NIBAN2: variants seen among roughly 807,000 people sequenced by gnomAD.
The protein encoded by NIBAN2 is protein Niban 2.
NIBAN2 carries 36 observed loss-of-function variants against 81.8 expected under a neutral mutation model. That is an observed-to-expected ratio of 0.44 (90% confidence interval 0.34 to 0.58). NIBAN2 has a LOEUF of 0.58. Among genes scored for constraint, NIBAN2 ranks in the 20% least tolerant of loss-of-function variants. NIBAN2 has a pLI of 0.02. For missense variants in NIBAN2, 897 were observed against 1,014.1 expected (o/e 0.88, Z 1.57); for synonymous variants, 445 against 441.6 (o/e 1.01, Z -0.10).
In NIBAN2 at chr9:127,517,923, T is replaced by C. The variant is rs746686598; in HGVS notation, c.608A>G (p.Lys203Arg). 5.0e-6 allele frequency: 8 copies of C among 1,608,276 alleles called. No individual in the cohort carries two copies. The African/African-American group carries it at 1.1e-4, about 22-fold the overall frequency. The change falls in exon 6 of 14, where the codon AAG becomes AGG. Residue 203 changes from lysine to arginine, a missense_variant. Coordinates refer to ENST00000373312, the MANE Select transcript of NIBAN2 (RefSeq NM_022833.4). This position sits in a 1 kb window ranked among gnomAD's most constrained non-coding sequence, Gnocchi z 4.0. ...ATCTGTGAACGCAGGGCCCTCTACC[T>C]TGGAGTCCTCAGGGATTCCTGCCCA... ...HCNNGIPEDS[K>R]VEGPAFTDAI...
At chr9:127,523,158 G>A (rs1486555495) in intron 5 of NIBAN2, among the ~76,000 whole-genome samples, 3 of 107,598 alleles carry the variant, frequency 2.8e-5, no homozygotes, top group Non-Finnish European at 5.3e-5. Context: ...CACCCTGCAG[G>A]TTGGTGGTTT....
chr9:127,573,119 A>AT (rs1837967211), upstream of NIBAN2, among the ~76,000 whole-genome samples: 1 of 152,208 alleles, frequency 6.6e-6, no homozygotes, highest in Non-Finnish European at 1.5e-5. Flanking sequence ...CAAACACTGG[A>AT]ACAGGTAGGC....
At chr9:127,560,316 C>T (rs1837750419) in intron 1 of NIBAN2, among the ~76,000 whole-genome samples, 1 of 152,162 alleles carries the variant, frequency 6.6e-6, no homozygotes, top group African/African-American at 2.4e-5. Context: ...ACGCCACCCA[C>T]CCTGTACACA....
Position 127,531,694 on chromosome 9 carries a change from T to TC in NIBAN2, c.139dup (p.Glu47GlyfsTer3), listed in dbSNP as rs1200125900. ...CTGCGGCAGCCCCGTGCCCTCAATC[T>TC]CATGGCGCATGCTGTTGAAGAGAGC... On this transcript the variant is annotated frameshift_variant, in exon 2 of 14. Transcript: ENST00000373312. LOFTEE classifies it high-confidence loss of function. The TC allele has an allele frequency of 6.2e-7, 1 of 1,614,048 alleles. No homozygotes were observed. Among genetic ancestry groups the TC allele is most frequent in the Admixed American group, 1.7e-5 (1 of 60,028 alleles).
rs764497644 is a variant in NIBAN2, at chr9:127,517,266, G to A, written c.706-50C>T. The A allele has an allele frequency of 2.0e-6, 3 of 1,522,674 alleles. No individual in the cohort carries two copies. The highest frequency in any genetic ancestry group is 1.1e-5 in the South Asian group (1 of 87,474). The allele number at this position is 1,522,674 out of a possible 1,614,324, so 94.3% of individuals were successfully genotyped here. ...GCCAGGGGCTGGAGAGCGCTCAGCT[G>A]GCCTGTTTCTCTCTGCATTCCCACA... On this transcript the variant is annotated intron_variant, in intron 6 of 13. Transcript: ENST00000373312. This position sits in a 1 kb window ranked among gnomAD's most constrained non-coding sequence, Gnocchi z 4.0.
Position 127,507,334 on chromosome 9 carries a change from G to A in NIBAN2, c.1752C>T (p.Gly584=), listed in dbSNP as rs147337704. ...ACTCCTCGCCCCAGTCGATGGGGGC[G>A]CCCTCGGCCAGCAGGTGCAGGTTGG... ...SDPNLHLLAE[G]APIDWGEEYS... Residue 584 remains glycine (G), a synonymous_variant, in exon 14 of 14, where the codon GGC becomes GGT. Coordinates refer to ENST00000373312, the MANE Select transcript of NIBAN2 (RefSeq NM_022833.4). The surrounding 1 kb of genome is among the most constrained non-coding windows in gnomAD (Gnocchi z 6.8). The A allele has an allele frequency of 2.1e-4, 328 of 1,554,612 alleles. No homozygotes were observed. The African/African-American group carries it at 2.2e-3, about 11-fold the overall frequency.
intron 8 of NIBAN2, among the ~76,000 whole-genome samples, chr9:127,514,948 G>A (rs1055111527): frequency 6.6e-6 from 1 of 152,184 alleles, no homozygotes; most frequent in Non-Finnish European, 1.5e-5. Flanking sequence ...AGGATTGTCT[G>A]AGGCCAGGAG....
chr9:127,578,354 C>CAAAA (rs150337961), intron 1 of NIBAN2, among the ~76,000 whole-genome samples: 3 of 83,578 alleles, frequency 3.6e-5, no homozygotes, highest in East Asian at 3.4e-4. Context: ...GACTTGGTCT[C>CAAAA]AAAAAAAAAA....
In NIBAN2 at chr9:127,508,405, G is replaced by A. The variant is rs758322311; in HGVS notation, c.1434+17C>T. On this transcript the variant is annotated intron_variant, in intron 11 of 13. Transcript: ENST00000373312. The surrounding 1 kb of genome is among the most constrained non-coding windows in gnomAD (Gnocchi z 6.4). ...CCTCGCCTAGGACGGTCCGGGGCAG[G>A]GCGTGGGGCCGCTCACCTTCAGCAC... 30 of 1,591,144 alleles carry A rather than the reference G, an allele frequency of 1.9e-5. No individual in the cohort carries two copies. The highest frequency in any genetic ancestry group is 4.5e-5 in the East Asian group (2 of 44,780).
At chr9:127,575,926 C>T (rs541923482) in intron 1 of NIBAN2, among the ~76,000 whole-genome samples, 3 of 152,292 alleles carry the variant, frequency 2.0e-5, no homozygotes, top group African/African-American at 7.2e-5. Flanking sequence ...GACATTTCTG[C>T]ACCCTGCCCC....
intron 1 of NIBAN2, among the ~76,000 whole-genome samples, chr9:127,575,110 C>A (rs1376872015): frequency 6.6e-6 from 1 of 152,224 alleles, no homozygotes; most frequent in African/African-American, 2.4e-5. Context: ...AGACATGGCA[C>A]TGGGGGCCCC....
intron 1 of NIBAN2, chr9:127,561,191 G>A (rs1402257451): frequency 7.1e-6 from 7 of 985,500 alleles, no homozygotes; most frequent in African/African-American, 3.5e-5. Flanking sequence ...CCAGGAACTC[G>A]CTGAATACCC....
rs1186234312 is a variant in NIBAN2, at chr9:127,559,519, G to A, written c.55+9301C>T. On this transcript the variant is annotated intron_variant, in intron 1 of 13. Transcript: ENST00000373312. The surrounding 1 kb of genome is among the most constrained non-coding windows in gnomAD (Gnocchi z 4.0). ...CAGGTGGAATAAATCAGAGGTGACT[G>A]GAGCACGAGTGGGTGGGCAGCTTCT... 6.6e-6 allele frequency among the ~76,000 whole-genome samples: 1 copy of A among 152,230 alleles called. No individual in the cohort carries two copies. Among genetic ancestry groups the A allele is most frequent in the Non-Finnish European group, 1.5e-5 (1 of 68,040 alleles).
At chr9:127,511,541 G>A (rs1836736391) in intron 8 of NIBAN2, among the ~76,000 whole-genome samples, 2 of 151,962 alleles carry the variant, frequency 1.3e-5, no homozygotes, top group Non-Finnish European at 2.9e-5. Flanking sequence ...ACATTAGCAA[G>A]CTGAATGATT....
At chr9:127,526,966 G>A (rs922390220) in intron 3 of NIBAN2, among the ~76,000 whole-genome samples, 1 of 151,904 alleles carries the variant, frequency 6.6e-6, no homozygotes, top group Admixed American at 6.5e-5. Flanking sequence ...ATGAGGGACA[G>A]AAGGAGTCAG....
chr9:127,570,516 A>G (rs1429915101), upstream of NIBAN2, among the ~76,000 whole-genome samples: 1 of 152,216 alleles, frequency 6.6e-6, no homozygotes, highest in Non-Finnish European at 1.5e-5. Context: ...ATGATATCAC[A>G]AAGTGCCCAG....
At chr9:127,553,339 C>T (rs934353436) in intron 1 of NIBAN2, among the ~76,000 whole-genome samples, 1 of 152,204 alleles carries the variant, frequency 6.6e-6, no homozygotes, top group Non-Finnish European at 1.5e-5. Context: ...CAGAGCTCAC[C>T]GCCAAGCAAC....
rs764480989 is a variant in NIBAN2 at position 127,517,852 on chromosome 9, C to T, written c.679G>A (p.Glu227Lys). The change falls in exon 6 of 14, where the codon GAG (glutamate) becomes AAG (lysine). Residue 227 changes from glutamate (E) to lysine (K), a missense_variant. Glu to Lys is a moderately conservative substitution (Grantham distance 56, BLOSUM62 1). Around this residue, in one of 3 missense-constraint regions of NIBAN2, gnomAD observed 69 missense variants for 114.7 expected, o/e 0.60. Coordinates refer to ENST00000373312, the MANE Select transcript of NIBAN2 (RefSeq NM_022833.4). This position sits in a 1 kb window ranked among gnomAD's most constrained non-coding sequence, Gnocchi z 4.0. ...TGCACCTCGTTCCCACACAGCATCT[C>T]CCAGGTGCCGTACAGCTCCTTGGAC... The part of the protein sequence containing the change: ...RQSKELYGTW[E>K]MLCGNEVQIL... 6.2e-7 allele frequency: 1 copy of T among 1,613,796 alleles called. No homozygotes were observed. Among genetic ancestry groups the T allele is most frequent in the East Asian group, 2.2e-5 (1 of 44,860 alleles).
chr9:127,540,076 C>T (rs973724169), intron 1 of NIBAN2, among the ~76,000 whole-genome samples: 11 of 152,234 alleles, frequency 7.2e-5, no homozygotes, highest in Admixed American at 4.6e-4. Context: ...TCCTCTAACC[C>T]ACAGTGAGGC....
Sources: gnomAD v4.1 joint callset for allele counts (sites outside exome capture counted in the v4.1 genomes callset) on GRCh38, gnomAD v4.1.1 for gene constraint, gnomAD v4.1.1 regional missense constraint, Gnocchi (gnomAD v3.1) non-coding constraint, MANE v1.5 for transcripts, NCBI Gene and HGNC (gene_info 2026-07-23, HGNC 2026-07-21) for gene names.